The following LIPI variants were observed in gnomAD, a reference collection of about 807,000 sequenced individuals.
LIPI encodes the protein lipase I.
Under a neutral mutation model 50.6 loss-of-function variants are expected in LIPI, and 59 were observed. That is an observed-to-expected ratio of 1.16 (90% confidence interval 0.94 to 1.45). The LOEUF is 1.45. LIPI is among the 40% of genes most tolerant of loss of function. The pLI, the probability that LIPI is intolerant of heterozygous loss-of-function variation, is 0.00. For synonymous variants in LIPI, 203 were observed against 178.2 expected, an observed-to-expected ratio of 1.14 and a Z score of -1.11; for missense variants, 586 against 536.3, an observed-to-expected ratio of 1.09 and a Z score of -0.92.
chr21:14,161,587 T>G (rs1343719913), intron 7 of LIPI, among the ~76,000 whole-genome samples: 2 of 117,578 alleles, frequency 1.7e-5, no homozygotes, highest in African/African-American at 6.9e-5. Flanking sequence ...ATAATATATA[T>G]CTATATAATA....
intron 9 of LIPI, among the ~76,000 whole-genome samples, chr21:14,123,032 A>G (rs1158243331): frequency 6.6e-6 from 1 of 152,238 alleles, no homozygotes; most frequent in South Asian, 2.1e-4. Context: ...CATGTTATGT[A>G]TATGAAAGTA....
At chr21:14,109,789 T>G (rs1600816012) in intron 9 of LIPI, among the ~76,000 whole-genome samples, 1 of 152,056 alleles carries the variant, frequency 6.6e-6, no homozygotes, top group Non-Finnish European at 1.5e-5. Context: ...CTTAGGCAGG[T>G]TCACAATGCC....
At chr21:14,157,752 T>C (rs982203783) in intron 7 of LIPI, among the ~76,000 whole-genome samples, 4 of 151,956 alleles carry the variant, frequency 2.6e-5, no homozygotes, top group Non-Finnish European at 5.9e-5. Context: ...AGCAGAGCCA[T>C]GAACCACAGA....
chr21:14,158,723 A>C (rs1206412468), intron 7 of LIPI, among the ~76,000 whole-genome samples: 1 of 150,640 alleles, frequency 6.6e-6, no homozygotes, highest in East Asian at 1.9e-4. Flanking sequence ...TTGAATAAAA[A>C]CCAATAAAAT....
chr21:14,137,646 A>G (rs146284737), intron 9 of LIPI, among the ~76,000 whole-genome samples: 240 of 152,300 alleles, frequency 1.6e-3, no homozygotes, highest in African/African-American at 4.6e-3. Flanking sequence ...GAGGTAGAGA[A>G]AGAGATAGGG....
intron 9 of LIPI, 98 bp from the exon 10 acceptor site, chr21:14,109,178 G>A: frequency 1.1e-6 from 1 of 901,792 alleles, no homozygotes. Context: ...GTCCATGCCT[G>A]TAACTAGCTA....
intron 4 of LIPI, among the ~76,000 whole-genome samples, chr21:14,173,960 G>A (rs535836543): frequency 6.6e-6 from 1 of 152,122 alleles, no homozygotes. Context: ...TGAAATTCAC[G>A]CAAGGAAGGG....
intron 4 of LIPI, among the ~76,000 whole-genome samples, chr21:14,175,222 G>A (rs1600899764): frequency 6.6e-6 from 1 of 152,152 alleles, no homozygotes; most frequent in Non-Finnish European, 1.5e-5. Context: ...TATAGATTAT[G>A]AGTATCTTTG....
At chr21:14,167,142 C>T (rs535739556) in intron 4 of LIPI, among the ~76,000 whole-genome samples, 263 of 152,290 alleles carry the variant, frequency 1.7e-3, no homozygotes, top group Middle Eastern at 3.4e-3. Context: ...AACTGCAAGG[C>T]GGCAGCAAGG....
At chr21:14,170,205 A>T (rs936542353) in intron 4 of LIPI, among the ~76,000 whole-genome samples, 2 of 152,202 alleles carry the variant, frequency 1.3e-5, no homozygotes, top group Non-Finnish European at 2.9e-5. Context: ...CAGGCTCTGA[A>T]GTTGTGGCAA....
intron 6 of LIPI, among the ~76,000 whole-genome samples, chr21:14,164,792 T>C (rs759710744): frequency 7.9e-5 from 12 of 152,218 alleles, no homozygotes; most frequent in Non-Finnish European, 1.6e-4. Context: ...TCATGTCTAC[T>C]TGGTGATAGC....
intron 7 of LIPI, among the ~76,000 whole-genome samples, 153 bp from the exon 8 acceptor site, chr21:14,152,837 G>A (rs140068278): frequency 8.9e-4 from 136 of 151,970 alleles, no homozygotes; most frequent in African/African-American, 2.3e-3. Flanking sequence ...GGACTCATTT[G>A]GTAAATGGGT....
rs142762890 is a variant in LIPI at position 14,187,376 on chromosome 21, G to A, written c.433-1307C>T. On this transcript the variant is annotated intron_variant, in intron 2 of 9. Transcript: ENST00000681601. Reference sequence around the variant, plus strand: ...GCCACTAATGAAAAACTACCCTCAGGCTTTCAAGGCACAAGGTTATGATTT... The same window carrying A: ...GCCACTAATGAAAAACTACCCTCAGACTTTCAAGGCACAAGGTTATGATTT... Among the ~76,000 whole-genome samples the A allele has an allele frequency of 3.7e-3, 562 of 152,168 alleles. 2 individuals are homozygous for A. The highest frequency in any genetic ancestry group is 6.1e-3 in the Non-Finnish European group (418 of 68,008).
chr21:14,144,623 C>G lies in LIPI; in HGVS notation c.1295G>C (p.Arg432Thr), dbSNP rs560807583. The change falls in exon 9 of 10, where the codon AGA becomes ACA. Residue 432 changes from arginine (R) to threonine (T), a missense_variant and splice_region_variant. Coordinates refer to ENST00000681601, the MANE Select transcript of LIPI (RefSeq NM_001302998.2). ...LMLKSLTYPE[R>T]PPLCRYNIVL... ...TGAAATCAAAATTTAATTTTCTTAC[C>G]TTTCTGGGTATGTAAGTGATTTTAA... 2.7e-6 allele frequency: 4 copies of G among 1,482,112 alleles called. No homozygotes were observed. The South Asian group carries it at 4.7e-5, about 17-fold the overall frequency. The allele number at this position is 1,482,112 out of a possible 1,614,324, so 91.8% of individuals were successfully genotyped here.
chr21:14,196,209 G>A (rs2019845973), intron 1 of LIPI, among the ~76,000 whole-genome samples: 1 of 147,028 alleles, frequency 6.8e-6, no homozygotes, highest in Non-Finnish European at 1.5e-5. Flanking sequence ...TGGCATGTCT[G>A]TGTAATTTAA....
chr21:14,118,422 T>C (rs1040337197), intron 9 of LIPI, among the ~76,000 whole-genome samples: 9 of 152,180 alleles, frequency 5.9e-5, no homozygotes, highest in African/African-American at 2.2e-4. Flanking sequence ...ATGAAAGAGA[T>C]GTATGACTGG....
rs904322925 is a variant in LIPI, at chr21:14,181,963, T to C, written c.542-104A>G. Reference sequence around the variant, plus strand: ...TTATAAACATAAAAAGCATTTATACTTTTAGTTTAAACCTATCCAAGAACA... The same window carrying C: ...TTATAAACATAAAAAGCATTTATACCTTTAGTTTAAACCTATCCAAGAACA... On this transcript the variant is annotated intron_variant, in intron 3 of 9. Coordinates refer to ENST00000681601, the MANE Select transcript of LIPI (RefSeq NM_001302998.2). 3 of 715,982 alleles carry C rather than the reference T, an allele frequency of 4.2e-6. No individual in the cohort carries two copies. The Admixed American group carries it at 6.1e-5, about 15-fold the overall frequency. 44.4% of individuals were successfully genotyped at this position (715,982 alleles called of 1,614,324 possible). A position where few individuals can be genotyped will look rare whatever the true frequency, so the allele number is the denominator to read the frequency against.
chr21:14,144,441 A>C (rs1443627476), intron 9 of LIPI, 182 bp downstream of exon 9: 1 of 443,536 alleles, frequency 2.3e-6, no homozygotes, highest in Admixed American at 3.9e-5. Context: ...TTCCCAAATA[A>C]ATTTTATTAA....
chr21:14,172,794 C>A (rs1182994898), intron 4 of LIPI, among the ~76,000 whole-genome samples: 1 of 151,676 alleles, frequency 6.6e-6, no homozygotes, highest in Non-Finnish European at 1.5e-5. Flanking sequence ...TGCAGCACAC[C>A]AGCATGGCAC....
Sources: allele counts gnomAD v4.1 joint callset (sites outside exome capture counted in the v4.1 genomes callset), GRCh38; gene constraint gnomAD v4.1.1; transcripts MANE v1.5; gene names NCBI Gene and HGNC (gene_info 2026-07-23, HGNC 2026-07-21).